The following GABRD variants were observed in gnomAD, a reference collection of about 807,000 sequenced individuals.
GABRD encodes the protein gamma-aminobutyric acid receptor subunit delta.
Under a neutral mutation model 47.3 loss-of-function variants are expected in GABRD, and 25 were observed. The ratio of observed to expected loss-of-function variants is 0.53; its 90% CI spans 0.39 to 0.74. The LOEUF is 0.74. GABRD is among the 30% of genes least tolerant of loss of function. The pLI, the probability that GABRD is intolerant of heterozygous loss-of-function variation, is 0.00. For synonymous variants in GABRD, 314 were observed against 278.8 expected, an observed-to-expected ratio of 1.13 and a Z score of -1.26; for missense variants, 497 against 643.4, an observed-to-expected ratio of 0.77 and a Z score of 2.46.
intron 4 of GABRD, chr1:2,027,074 C>A: frequency 4.7e-6 from 1 of 212,756 alleles, no homozygotes; most frequent in South Asian, 6.8e-5. Context: ...GGAGGATTAC[C>A]CACCTCAAGC....
chr1:2,022,462 T>G (rs1658805086), intron 1 of GABRD: 1 of 152,214 alleles, frequency 6.6e-6, no homozygotes, highest in Non-Finnish European at 1.5e-5. Flanking sequence ...TGCCTCCAGG[T>G]GAGCTTCGTG....
rs1659047658 is a variant in GABRD, at chr1:2,030,135, G to A, written c.1212G>A (p.Glu404=). The change falls in exon 9 of 9, where the codon GAG becomes GAA. Residue 404 remains glutamate, a synonymous_variant. Coordinates refer to ENST00000378585, the MANE Select transcript of GABRD (RefSeq NM_000815.5). The part of the protein sequence containing the change: ...VGVETGETKK[E]GAARSGGQGG... ...TGGAGACAGGGGAGACGAAGAAGGA[G>A]GGGGCAGCCCGCTCAGGAGGCCAGG... 2 of 1,580,726 alleles carry A rather than the reference G, an allele frequency of 1.3e-6. No individual in the cohort carries two copies. The highest frequency in any genetic ancestry group is 1.8e-5 in the Admixed American group (1 of 55,764).
chr1:2,030,130 A>G lies in GABRD; in HGVS notation c.1207A>G (p.Lys403Glu). The G allele has an allele frequency of 6.3e-7, 1 of 1,581,108 alleles. No homozygotes were observed. The highest frequency in any genetic ancestry group is 8.6e-7 in the Non-Finnish European group (1 of 1,162,568). ...SVGVETGETK[K>E]EGAARSGGQG... ...GGGGGTGGAGACAGGGGAGACGAAGAAGGAGGGGGCAGCCCGCTCAGGAGG... is the reference window on the plus strand; with the variant it reads ...GGGGGTGGAGACAGGGGAGACGAAGGAGGAGGGGGCAGCCCGCTCAGGAGG... The change falls in exon 9 of 9, where the codon AAG (lysine) becomes GAG (glutamate). Residue 403 changes from lysine to glutamate, a missense_variant. Lys to Glu is a moderately conservative substitution (Grantham distance 56). Transcript: ENST00000378585.
intron 1 of GABRD, among the ~76,000 whole-genome samples, chr1:2,021,891 T>TC (rs1005214250): frequency 3.3e-5 from 5 of 152,262 alleles, no homozygotes; most frequent in Admixed American, 3.3e-4. Context: ...TCCCTGTCTG[T>TC]CCCCAGGGCG....
At chr1:2,025,148 G>A (rs1658885489) in intron 2 of GABRD, 94 bp downstream of exon 2, 1 of 1,310,134 alleles carries the variant, frequency 7.6e-7, no homozygotes, top group Non-Finnish European at 1.1e-6. Context: ...TGGCCTCTAG[G>A]CAAGGAAGCC....
At chr1:2,025,108 C>G in intron 2 of GABRD, 54 bp downstream of exon 2, 1 of 1,492,904 alleles carries the variant, frequency 6.7e-7, no homozygotes, top group Non-Finnish European at 9.2e-7. Flanking sequence ...CAGGCTAGGC[C>G]GTGGCTGTGT....
intron 4 of GABRD, among the ~76,000 whole-genome samples, chr1:2,026,288 C>T (rs1658926989): frequency 6.6e-6 from 1 of 152,200 alleles, no homozygotes; most frequent in Non-Finnish European, 1.5e-5. Context: ...CGTTACTCAG[C>T]ATCACGTCCT....
In GABRD at chr1:2,025,508, A is replaced by C. The variant is rs772285691; in HGVS notation, c.250-10A>C. 9 of 1,611,960 alleles carry C rather than the reference A, an allele frequency of 5.6e-6. No individual in the cohort carries two copies. The highest frequency in any genetic ancestry group is 7.6e-6 in the Non-Finnish European group (9 of 1,179,224). On this transcript the variant is annotated splice_polypyrimidine_tract_variant and intron_variant, in intron 3 of 8. Transcript: ENST00000378585. The stretch of plus-strand genomic sequence containing the variant: ...AAGGCTGACCCCCGGCCCCTGTGCC[A>C]CCTCCACAGGAGTACACCATGACGG...
Position 2,028,297 on chromosome 1 carries a change from C to T in GABRD, c.691+5C>T, listed in dbSNP as rs1658984149. Reference sequence around the variant, plus strand: ...AGCTGATGAACTTCAAGTCCGGTAACATATGCCCGCCGCCCCTTCCGCATG... The same window carrying T: ...AGCTGATGAACTTCAAGTCCGGTAATATATGCCCGCCGCCCCTTCCGCATG... On this transcript the variant is annotated splice_donor_5th_base_variant and intron_variant, in intron 6 of 8. Transcript: ENST00000378585. The surrounding 1 kb of genome is among the most constrained non-coding windows in gnomAD (Gnocchi z 6.4). 1 of 1,608,312 alleles carries T rather than the reference C, an allele frequency of 6.2e-7. No individual in the cohort carries two copies. The highest frequency in any genetic ancestry group is 1.3e-5 in the African/African-American group (1 of 74,762).
Position 2,029,745 on chromosome 1 carries a change from T to C in GABRD, c.1042T>C (p.Ser348Pro), listed in dbSNP as rs1448771133. ...GAAGCAGAAGGCCAAGGTCAAGGTC[T>C]CCAGGCCGAGGGCAGAGGTGAGGGC... ...RKKQKAKVKVSRPRAEMDVRN... is the reference protein window; with the variant it reads ...RKKQKAKVKVPRPRAEMDVRN... Residue 348 changes from serine (S) to proline (P), a missense_variant, in exon 8 of 9, where the codon TCC becomes CCC. Transcript: ENST00000378585. The C allele has an allele frequency of 6.2e-7, 1 of 1,612,834 alleles. No individual in the cohort carries two copies. Among genetic ancestry groups the C allele is most frequent in the Non-Finnish European group, 8.5e-7 (1 of 1,179,882 alleles).
At position 2,030,246 on chromosome 1, in the gene GABRD, C is replaced by A; in HGVS notation, c.1323C>A (p.Ala441=). 2 of 1,559,242 alleles carry A rather than the reference C, an allele frequency of 1.3e-6. No individual in the cohort carries two copies. Among genetic ancestry groups the A allele is most frequent in the East Asian group, 2.3e-5 (1 of 43,940 alleles). ...ARAVFPAAFA[A]VNVIYWAAYA... ...CTGTGTTCCCTGCGGCGTTTGCGGC[C>A]GTCAATGTCATCTACTGGGCGGCAT... The change falls in exon 9 of 9, where the codon GCC becomes GCA. Residue 441 remains alanine, a synonymous_variant. Transcript: ENST00000378585.
rs754780101 is a variant in GABRD, at chr1:2,025,322, C to CT, written c.182-9dup. 13 of 1,613,068 alleles carry CT rather than the reference C, an allele frequency of 8.1e-6. No individual in the cohort carries two copies. The highest frequency in any genetic ancestry group is 1.7e-6 in the Non-Finnish European group (2 of 1,179,976). ...GGCCTCAGTCCTTCTTAGTTCTGCT[C>CT]TTTCCTTGCAGGCCCCCCCGTGAAT... is the stretch of plus-strand genomic sequence containing the variant. On this transcript the variant is annotated splice_polypyrimidine_tract_variant and intron_variant, in intron 2 of 8. Coordinates refer to ENST00000378585, the MANE Select transcript of GABRD (RefSeq NM_000815.5).
chr1:2,025,279 T>TGAC, intron 2 of GABRD, 55 bp from the exon 3 acceptor site: 1 of 1,600,512 alleles, frequency 6.2e-7, no homozygotes, highest in Admixed American at 1.7e-5. Flanking sequence ...GGTCCCATCG[T>TGAC]GGCTCCCATG....
chr1:2,020,997 A>G (rs1658756716), intron 1 of GABRD, among the ~76,000 whole-genome samples: 1 of 152,180 alleles, frequency 6.6e-6, no homozygotes, highest in Non-Finnish European at 1.5e-5. Context: ...CCTGGCCTGC[A>G]TCTGGCTCCT....
chr1:2,030,559 G>A lies in GABRD; in HGVS notation c.*277G>A. On this transcript the variant is annotated 3_prime_UTR_variant, in exon 9 of 9. Transcript: ENST00000378585. ...GAGAGGCTGAGCCAGGCCGGGGTCT[G>A]GGCCCTTCAGGGAGCCGCGGATTTT... is the stretch of plus-strand genomic sequence containing the variant. The A allele has an allele frequency of 2.8e-6, 1 of 360,486 alleles. No individual in the cohort carries two copies. Among genetic ancestry groups the A allele is most frequent in the Non-Finnish European group, 5.0e-6 (1 of 201,092 alleles). The allele number at this position is 360,486 out of a possible 1,614,324, so 22.3% of individuals were successfully genotyped here. A position where few individuals can be genotyped will look rare whatever the true frequency, so the allele number is the denominator to read the frequency against.
intron 1 of GABRD, among the ~76,000 whole-genome samples, chr1:2,020,493 C>T (rs535541495): frequency 3.9e-5 from 6 of 152,330 alleles, no homozygotes; most frequent in East Asian, 1.9e-4. Flanking sequence ...ATTGGAGGTG[C>T]GGGGGACAGA....
At chr1:2,027,183 G>A in intron 4 of GABRD, 1 of 330,524 alleles carries the variant, frequency 3.0e-6, no homozygotes, top group South Asian at 2.5e-5. Flanking sequence ...AAAAACATCG[G>A]GATATTTTAC....
intron 5 of GABRD, chr1:2,027,860 T>C (rs1361758887): frequency 4.7e-6 from 3 of 634,186 alleles, no homozygotes; most frequent in African/African-American, 1.8e-5. Context: ...GTGCCCTGCC[T>C]GGGGAGCCGG....
Position 2,028,297 on chromosome 1 carries a change from CAT to C in GABRD, c.691+8_691+9del, listed in dbSNP as rs1292543496. 3.1e-6 allele frequency: 5 copies of C among 1,608,312 alleles called. No individual in the cohort carries two copies. The highest frequency in any genetic ancestry group is 1.8e-4 in the Middle Eastern group (1 of 5,602). ...AGCTGATGAACTTCAAGTCCGGTAA[CAT>C]ATGCCCGCCGCCCCTTCCGCATGTG... is the stretch of plus-strand genomic sequence containing the variant. On this transcript the variant is annotated splice_donor_region_variant and intron_variant, in intron 6 of 8. Transcript: ENST00000378585. The surrounding 1 kb of genome is among the most constrained non-coding windows in gnomAD (Gnocchi z 6.4).
Sources: gnomAD v4.1 joint callset for allele counts (sites outside exome capture counted in the v4.1 genomes callset) on GRCh38, gnomAD v4.1.1 for gene constraint, Gnocchi (gnomAD v3.1) non-coding constraint, MANE v1.5 for transcripts, NCBI Gene and HGNC (gene_info 2026-07-23, HGNC 2026-07-21) for gene names.